Variants in DEPTOR observed in about 807,000 individuals in gnomAD.
The protein encoded by DEPTOR is DEP domain-containing mTOR-interacting protein.
Under a neutral mutation model 41.6 loss-of-function variants are expected in DEPTOR, and 41 were observed. The ratio of observed to expected loss-of-function variants is 0.98; its 90% CI spans 0.77 to 1.28. The LOEUF is 1.28. Ranked by LOEUF, DEPTOR falls within the 50% of genes most tolerant of loss-of-function variation. The pLI, the probability that DEPTOR is intolerant of heterozygous loss-of-function variation, is 0.00. For missense variants in DEPTOR, 514 were observed against 527.9 expected, an observed-to-expected ratio of 0.97 and a Z score of 0.26; for synonymous variants, 195 against 192.3, an observed-to-expected ratio of 1.01 and a Z score of -0.12.
chr8:120,001,516 TC>T lies in DEPTOR; in HGVS notation c.605-8del. The stretch of plus-strand genomic sequence containing the variant: ...AGTCCTCATTGGTTGTTTTTTTTTT[TC>T]TCCCCAGTGTCCAACAAGCACCCAT... On this transcript the variant is annotated splice_polypyrimidine_tract_variant and splice_region_variant and intron_variant, in intron 4 of 8. Transcript: ENST00000286234. 1.3e-6 allele frequency: 2 copies of T among 1,587,216 alleles called. No individual in the cohort carries two copies. Among genetic ancestry groups the T allele is most frequent in the Admixed American group, 3.6e-5 (2 of 55,090 alleles).
At chr8:119,959,612 T>C (rs546238645) in intron 3 of DEPTOR, among the ~76,000 whole-genome samples, 6 of 151,840 alleles carry the variant, frequency 4.0e-5, no homozygotes, top group African/African-American at 7.2e-5. Flanking sequence ...CTGCAACCTC[T>C]GCCTGCCAGG....
chr8:119,968,874 T>C (rs188322655), intron 4 of DEPTOR, among the ~76,000 whole-genome samples: 8 of 152,182 alleles, frequency 5.3e-5, no homozygotes, highest in African/African-American at 1.9e-4. Context: ...AAAAGTAAGA[T>C]GAGGCTGGGC....
At chr8:119,949,148 T>G (rs959762082) in intron 3 of DEPTOR, among the ~76,000 whole-genome samples, 3 of 152,236 alleles carry the variant, frequency 2.0e-5, no homozygotes, top group African/African-American at 7.2e-5. Flanking sequence ...CTTTTGTGAC[T>G]GTCTTCTTTC....
At chr8:120,046,561 T>G (rs1225027368) in intron 8 of DEPTOR, among the ~76,000 whole-genome samples, 1 of 152,200 alleles carries the variant, frequency 6.6e-6, no homozygotes, top group Non-Finnish European at 1.5e-5. Context: ...AATATTCCAC[T>G]GTATGGATAT....
chr8:119,956,453 G>A (rs1828417637), intron 3 of DEPTOR, among the ~76,000 whole-genome samples: 1 of 152,150 alleles, frequency 6.6e-6, no homozygotes, highest in South Asian at 2.1e-4. Context: ...CACTTGTCCA[G>A]AGGCCACCAG....
At chr8:119,955,964 G>A (rs1828412009) in intron 3 of DEPTOR, among the ~76,000 whole-genome samples, 1 of 152,092 alleles carries the variant, frequency 6.6e-6, no homozygotes, top group Non-Finnish European at 1.5e-5. Flanking sequence ...CGCATCACCA[G>A]GTCCAGACTT....
chr8:120,038,281 AAAG>A (rs946773043), intron 8 of DEPTOR, among the ~76,000 whole-genome samples: 3 of 150,478 alleles, frequency 2.0e-5, no homozygotes, highest in South Asian at 2.1e-4. Flanking sequence ...AAAAAAAAAA[AAAG>A]AAGAAGAAGA....
chr8:119,971,019 G>A (rs920534678), intron 4 of DEPTOR, among the ~76,000 whole-genome samples: 17 of 151,958 alleles, frequency 1.1e-4, no homozygotes, highest in East Asian at 1.9e-4. Flanking sequence ...TCACAAGGTC[G>A]GGAGATCGAG....
At chr8:119,902,287 A>C (rs13277992) in intron 1 of DEPTOR, among the ~76,000 whole-genome samples, 75,681 of 151,980 alleles carry the variant, frequency 0.5, 20,566 homozygotes, top group East Asian at 0.92. Flanking sequence ...AAACTAAGTG[A>C]CTTGGCCATG....
chr8:119,976,400 G>A (rs1314784618), intron 4 of DEPTOR, among the ~76,000 whole-genome samples: 6 of 152,006 alleles, frequency 3.9e-5, no homozygotes, highest in African/African-American at 7.2e-5. Context: ...TATATATATC[G>A]TATCAGCAAA....
At chr8:119,894,181 A>T (rs1488469214) in intron 1 of DEPTOR, among the ~76,000 whole-genome samples, 1 of 151,828 alleles carries the variant, frequency 6.6e-6, no homozygotes, top group Non-Finnish European at 1.5e-5. Flanking sequence ...CGATCCTTCC[A>T]CCTTAGCTTA....
intron 3 of DEPTOR, among the ~76,000 whole-genome samples, chr8:119,943,042 T>C (rs1828223539): frequency 6.6e-6 from 1 of 152,224 alleles, no homozygotes; most frequent in African/African-American, 2.4e-5. Flanking sequence ...TTTCTGTTTG[T>C]CCTTCCAGAT....
intron 1 of DEPTOR, among the ~76,000 whole-genome samples, chr8:119,884,552 A>G (rs1013441666): frequency 2.1e-5 from 3 of 143,764 alleles, no homozygotes; most frequent in African/African-American, 7.5e-5. Context: ...AAGAAAAAAA[A>G]TACTTTTAAA....
At chr8:119,936,183 C>T (rs1276486279) in intron 3 of DEPTOR, among the ~76,000 whole-genome samples, 1 of 152,060 alleles carries the variant, frequency 6.6e-6, no homozygotes, top group Non-Finnish European at 1.5e-5. Flanking sequence ...AATTTCTTTT[C>T]CACAGGACCA....
chr8:119,909,317 A>T (rs1179574201), intron 1 of DEPTOR, among the ~76,000 whole-genome samples: 1 of 152,232 alleles, frequency 6.6e-6, no homozygotes, highest in East Asian at 1.9e-4. Context: ...GCGACAGATA[A>T]CTGATGAAAT....
intron 4 of DEPTOR, among the ~76,000 whole-genome samples, chr8:119,972,775 A>C (rs1828650229): frequency 6.6e-6 from 1 of 152,158 alleles, no homozygotes; most frequent in South Asian, 2.1e-4. Context: ...ACTAGAAAAA[A>C]ATTCTCAAGT....
At chr8:119,935,999 G>GTTTTT (rs67211224) in intron 3 of DEPTOR, among the ~76,000 whole-genome samples, 22 of 123,828 alleles carry the variant, frequency 1.8e-4, no homozygotes, top group Middle Eastern at 4.6e-3. Context: ...TAGTCTAGTT[G>GTTTTT]TTTTTTTTTT....
chr8:119,989,363 G>T (rs1355250683), intron 4 of DEPTOR, among the ~76,000 whole-genome samples: 1 of 152,126 alleles, frequency 6.6e-6, no homozygotes, highest in African/African-American at 2.4e-5. Flanking sequence ...CTGGAAACAG[G>T]AATAAATGTG....
intron 1 of DEPTOR, among the ~76,000 whole-genome samples, chr8:119,915,945 T>TA (rs201870960): frequency 0.52 from 64,022 of 123,950 alleles, 17,679 homozygotes; most frequent in East Asian, 0.87. Flanking sequence ...CTTCATTTGT[T>TA]AAAAAAAAAA....
Sources: allele counts gnomAD v4.1 joint callset (sites outside exome capture counted in the v4.1 genomes callset), GRCh38; gene constraint gnomAD v4.1.1; transcripts MANE v1.5; gene names NCBI Gene and HGNC (gene_info 2026-07-23, HGNC 2026-07-21).